The following CD2AP variants were observed in gnomAD, a reference collection of about 807,000 sequenced individuals.
CD2AP encodes the protein CD2-associated protein.
In CD2AP, 46 loss-of-function variants were observed where a neutral mutation model predicts 85.1. The ratio of observed to expected loss-of-function variants is 0.54; its 90% CI spans 0.43 to 0.69. The LOEUF is 0.69. CD2AP is among the 30% of genes least tolerant of loss of function. The probability of loss-of-function intolerance (pLI) is 0.00; values close to 1 mark genes in which losing one functional copy is unlikely to be tolerated. For missense variants in CD2AP, 769 were observed against 729.5 expected (o/e 1.05, Z -0.62); for synonymous variants, 255 against 252.9 (o/e 1.01, Z -0.08).
intron 5 of CD2AP, among the ~76,000 whole-genome samples, chr6:47,564,817 C>T (rs933017803): frequency 6.6e-6 from 1 of 151,508 alleles, no homozygotes. Flanking sequence ...TTATGTTCCT[C>T]GTAGCTGTTA....
Position 47,491,259 on chromosome 6 carries a change from A to ATG in CD2AP, c.5-12011_5-12010dup, listed in dbSNP as rs1222127720. Among the ~76,000 whole-genome samples the ATG allele has an allele frequency of 5.0e-4, 61 of 120,846 alleles. No homozygotes were observed. In the East Asian group the frequency reaches 6.2e-3, roughly 12 times the overall value. 79.3% of individuals were successfully genotyped at this position (120,846 alleles called of 152,430 possible). A position where few individuals can be genotyped will look rare whatever the true frequency, so the allele number is the denominator to read the frequency against. The stretch of plus-strand genomic sequence containing the variant: ...ATACATATATTTCTTTCTTCCTGAT[A>ATG]TGTGTGTGTGTATGTGTGTGTGTGT... On this transcript the variant is annotated intron_variant, in intron 1 of 17. Transcript: ENST00000359314.
intron 1 of CD2AP, among the ~76,000 whole-genome samples, chr6:47,483,112 A>G (rs1404588779): frequency 2.0e-5 from 3 of 152,228 alleles, no homozygotes; most frequent in Non-Finnish European, 2.9e-5. Flanking sequence ...GGTAATTATT[A>G]TGATGGAGCT....
intron 8 of CD2AP, 42 bp from the exon 9 acceptor site, chr6:47,579,343 A>AAG: frequency 8.1e-7 from 1 of 1,241,332 alleles, no homozygotes; most frequent in Non-Finnish European, 1.2e-6. Flanking sequence ...TTAAAAAAAA[A>AAG]AAAAAGGTCT....
intron 17 of CD2AP, among the ~76,000 whole-genome samples, chr6:47,622,710 A>G (rs1014149639): frequency 2.0e-5 from 3 of 152,164 alleles, no homozygotes; most frequent in Non-Finnish European, 4.4e-5. Context: ...AGGTCCTGCA[A>G]GAGCAGTCCG....
At position 47,477,908 on chromosome 6, in the gene CD2AP, G is replaced by C. The variant is rs1765342642; in HGVS notation, c.-337G>C. 2 of 452,678 alleles carry C rather than the reference G, an allele frequency of 4.4e-6. No individual in the cohort carries two copies. The highest frequency in any genetic ancestry group is 4.2e-5 in the African/African-American group (2 of 47,540). The allele number at this position is 452,678 out of a possible 1,614,324, so 28.0% of individuals were successfully genotyped here. A position where few individuals can be genotyped will look rare whatever the true frequency, so the allele number is the denominator to read the frequency against. ...CGCTCGGGGTTGGAGCCGAGGGTCT[G>C]GGCAAACCGGTGGGTCCCTCCCCAC... On this transcript the variant is annotated 5_prime_UTR_variant, in exon 1 of 18. Coordinates refer to ENST00000359314, the MANE Select transcript of CD2AP (RefSeq NM_012120.3).
intron 2 of CD2AP, among the ~76,000 whole-genome samples, chr6:47,521,322 C>CG (rs1281213702): frequency 6.6e-6 from 1 of 152,162 alleles, no homozygotes; most frequent in Non-Finnish European, 1.5e-5. Context: ...GAGGTCGAGG[C>CG]GGGCAGATCA....
intron 17 of CD2AP, 126 bp downstream of exon 17, chr6:47,612,662 TG>T: frequency 4.3e-6 from 3 of 701,050 alleles, no homozygotes; most frequent in Non-Finnish European, 7.9e-6. Context: ...ATACACACAA[TG>T]GACTACTATT....
At chr6:47,614,150 T>G (rs1032310163) in intron 17 of CD2AP, among the ~76,000 whole-genome samples, 4 of 152,248 alleles carry the variant, frequency 2.6e-5, no homozygotes, top group African/African-American at 9.6e-5. Context: ...TAAGTTTTCT[T>G]ATTATTCATA....
chr6:47,523,372 T>A (rs1010497552), intron 2 of CD2AP, among the ~76,000 whole-genome samples: 8 of 152,148 alleles, frequency 5.3e-5, no homozygotes, highest in Admixed American at 5.2e-4. Context: ...TTTCACTATC[T>A]ACACATATGT....
At chr6:47,612,348 A>C in intron 16 of CD2AP, 125 bp from the exon 17 acceptor site, 1 of 662,584 alleles carries the variant, frequency 1.5e-6, no homozygotes. Flanking sequence ...CTTAATTAAC[A>C]TTGCTATTGC....
Position 47,599,383 on chromosome 6 carries a change from C to T in CD2AP, c.1357C>T (p.Pro453Ser). The change falls in exon 13 of 18, where the codon CCC becomes TCC. Residue 453 changes from proline to serine, a missense_variant. Physicochemically the swap from Pro to Ser is moderately conservative, Grantham distance 74. Coordinates refer to ENST00000359314, the MANE Select transcript of CD2AP (RefSeq NM_012120.3). Reference sequence around the variant, plus strand: ...ACTAAAGCTAGATTCTGAACAGCTGCCCCTTAGACCAAAATCAGTAGACTT... The same window carrying T: ...ACTAAAGCTAGATTCTGAACAGCTGTCCCTTAGACCAAAATCAGTAGACTT... Reference protein sequence around the residue: ...SKLKLDSEQLPLRPKSVDFDS... With the variant: ...SKLKLDSEQLSLRPKSVDFDS... The T allele has an allele frequency of 6.2e-7, 1 of 1,611,912 alleles. No homozygotes were observed. Among genetic ancestry groups the T allele is most frequent in the Non-Finnish European group, 8.5e-7 (1 of 1,178,682 alleles).
chr6:47,556,448 A>T (rs1391898920), intron 5 of CD2AP, among the ~76,000 whole-genome samples: 2 of 151,452 alleles, frequency 1.3e-5, no homozygotes, highest in East Asian at 3.9e-4. Context: ...CCAGACTAGG[A>T]GCGATTCTCC....
chr6:47,606,409 T>A, intron 14 of CD2AP, 132 bp downstream of exon 14: 1 of 689,236 alleles, frequency 1.5e-6, no homozygotes. Context: ...TGGCAAATGC[T>A]GGTATTTAAG....
chr6:47,511,608 C>T (rs529076440), intron 2 of CD2AP, among the ~76,000 whole-genome samples: 4 of 152,270 alleles, frequency 2.6e-5, no homozygotes, highest in Non-Finnish European at 5.9e-5. Flanking sequence ...GAACTTTCTA[C>T]TTCCTTTGTA....
At chr6:47,507,830 A>G (rs1766214061) in intron 2 of CD2AP, among the ~76,000 whole-genome samples, 1 of 152,244 alleles carries the variant, frequency 6.6e-6, no homozygotes, top group Non-Finnish European at 1.5e-5. Flanking sequence ...GTTAGCAGGC[A>G]TGAAAACAAC....
At chr6:47,539,378 T>A (rs1767144323) in intron 3 of CD2AP, among the ~76,000 whole-genome samples, 1 of 152,152 alleles carries the variant, frequency 6.6e-6, no homozygotes, top group Non-Finnish European at 1.5e-5. Flanking sequence ...ACATGGAGAT[T>A]GGGAGAATAG....
chr6:47,495,351 C>G (rs757839815), intron 1 of CD2AP, among the ~76,000 whole-genome samples: 1 of 152,100 alleles, frequency 6.6e-6, no homozygotes, highest in Non-Finnish European at 1.5e-5. Context: ...AGCAAAGGAA[C>G]ACTAAAAATT....
Position 47,610,971 on chromosome 6 carries a change from A to ATATATATATATATATATATATATATATTT in CD2AP, c.1815-1501_1815-1500insATATATATATATATATATATATATATTTT. ...GATTTATATATATATATATATATGT[A>ATATATATATATATATATATATATATATTT]TTTTTTTTTTTTTTTGAATATAAAA... On this transcript the variant is annotated intron_variant, in intron 16 of 17. Transcript: ENST00000359314. Among the ~76,000 whole-genome samples the ATATATATATATATATATATATATATATTT allele has an allele frequency of 2.5e-4, 28 of 112,858 alleles. 1 individual carries two copies. The highest frequency in any genetic ancestry group is 7.9e-4 in the African/African-American group (22 of 27,834). 74.0% of individuals were successfully genotyped at this position (112,858 alleles called of 152,430 possible).
chr6:47,598,266 A>G (rs1278503870), intron 12 of CD2AP, among the ~76,000 whole-genome samples: 1 of 151,170 alleles, frequency 6.6e-6, no homozygotes, highest in East Asian at 1.9e-4. Flanking sequence ...GTTAGCATGG[A>G]TGCAGTGAAA....
Sources: allele counts gnomAD v4.1 joint callset (sites outside exome capture counted in the v4.1 genomes callset), GRCh38; gene constraint gnomAD v4.1.1; transcripts MANE v1.5; gene names NCBI Gene and HGNC (gene_info 2026-07-23, HGNC 2026-07-21).